Variants in ERBB4 observed in about 807,000 individuals in gnomAD.
ERBB4 encodes receptor tyrosine-protein kinase erbB-4.
In ERBB4, 42 loss-of-function variants were observed where a neutral mutation model predicts 158.0. The ratio of observed to expected loss-of-function variants is 0.27; its 90% CI spans 0.21 to 0.34. The LOEUF (loss-of-function observed/expected upper bound fraction) is 0.34, where lower values mean the gene tolerates loss of function less well. Among genes scored for constraint, ERBB4 ranks in the 10% least tolerant of loss-of-function variants. The probability of loss-of-function intolerance (pLI) is 1.00; values close to 1 mark genes in which losing one functional copy is unlikely to be tolerated. For synonymous variants in ERBB4, 583 were observed against 558.7 expected (o/e 1.04, Z -0.61); for missense variants, 1,333 against 1,624.1 (o/e 0.82, Z 3.08).
chr2:212,032,693 C>T (rs945849277), intron 2 of ERBB4, among the ~76,000 whole-genome samples: 3 of 151,856 alleles, frequency 2.0e-5, no homozygotes, highest in African/African-American at 7.2e-5. Flanking sequence ...TGTTTAGTAG[C>T]ATACAATTTG....
At chr2:211,526,225 C>G (rs1045422766) in intron 20 of ERBB4, among the ~76,000 whole-genome samples, 2 of 152,066 alleles carry the variant, frequency 1.3e-5, no homozygotes, top group African/African-American at 4.8e-5. Flanking sequence ...TCACTCATCC[C>G]CAGCCCCAGG....
At chr2:212,417,225 ACTT>A (rs2091677485) in intron 1 of ERBB4, among the ~76,000 whole-genome samples, 1 of 152,052 alleles carries the variant, frequency 6.6e-6, no homozygotes, top group South Asian at 2.1e-4. Context: ...TTTATTTTAT[ACTT>A]CTTAGTCATA....
intron 3 of ERBB4, among the ~76,000 whole-genome samples, chr2:211,828,377 A>G (rs1429254407): frequency 6.6e-6 from 1 of 152,144 alleles, no homozygotes; most frequent in Non-Finnish European, 1.5e-5. Context: ...AAATAAGGAA[A>G]GTAGAACAAG....
chr2:211,760,102 T>C (rs1313823694), intron 4 of ERBB4, among the ~76,000 whole-genome samples: 1 of 152,194 alleles, frequency 6.6e-6, no homozygotes, highest in Non-Finnish European at 1.5e-5. Context: ...TCACATCATA[T>C]TTTTCAGCAG....
intron 1 of ERBB4, among the ~76,000 whole-genome samples, chr2:212,170,003 A>C (rs1056049012): frequency 6.6e-6 from 1 of 152,162 alleles, no homozygotes; most frequent in Non-Finnish European, 1.5e-5. Context: ...AATTGGTACT[A>C]GGAGAGAGGT....
intron 2 of ERBB4, among the ~76,000 whole-genome samples, chr2:212,060,232 G>T (rs1295037385): frequency 1.3e-5 from 2 of 152,134 alleles, no homozygotes; most frequent in Admixed American, 6.5e-5. Flanking sequence ...CTGGCCATCA[G>T]AGAAATGCAA....
rs562290554 is a variant in ERBB4 at position 212,229,547 on chromosome 2, G to A, written c.83-104644C>T. On this transcript the variant is annotated intron_variant, in intron 1 of 27. Coordinates refer to ENST00000342788, the MANE Select transcript of ERBB4 (RefSeq NM_005235.3). ...AAGCTCAGTATTTAACTTTTCCAGTGAAGTCAAAGAGGGTCATAAGAGTAC... is the reference window on the plus strand; with the variant it reads ...AAGCTCAGTATTTAACTTTTCCAGTAAAGTCAAAGAGGGTCATAAGAGTAC... Among the ~76,000 whole-genome samples, 4 of 152,312 alleles carry A rather than the reference G, an allele frequency of 2.6e-5. No individual in the cohort carries two copies. The South Asian group carries it at 8.3e-4, about 32-fold the overall frequency.
intron 26 of ERBB4, 118 bp from the exon 27 acceptor site, chr2:211,387,268 C>A: frequency 1.1e-6 from 1 of 914,860 alleles, no homozygotes; most frequent in Non-Finnish European, 1.8e-6. Flanking sequence ...ATAGTATTTA[C>A]TGGTTTTTTT....
At chr2:211,996,915 G>A (rs531870403) in intron 2 of ERBB4, among the ~76,000 whole-genome samples, 1 of 152,294 alleles carries the variant, frequency 6.6e-6, no homozygotes, top group African/African-American at 2.4e-5. Flanking sequence ...AAGACCAAAA[G>A]AGATTTTAAC....
At chr2:211,581,382 T>C (rs537598259) in intron 19 of ERBB4, among the ~76,000 whole-genome samples, 2 of 151,672 alleles carry the variant, frequency 1.3e-5, no homozygotes, top group African/African-American at 4.8e-5. Flanking sequence ...TGAAAGAACA[T>C]GGAAATAGTC....
At chr2:211,408,102 AATAC>A (rs1559137399) in intron 25 of ERBB4, among the ~76,000 whole-genome samples, 1 of 136,238 alleles carries the variant, frequency 7.3e-6, no homozygotes, top group East Asian at 2.4e-4. Context: ...TAAATAAATA[AATAC>A]ATACATACAT....
intron 2 of ERBB4, among the ~76,000 whole-genome samples, chr2:212,071,445 T>C (rs2078115559): frequency 6.6e-6 from 1 of 151,910 alleles, no homozygotes; most frequent in Non-Finnish European, 1.5e-5. Context: ...AAAGACATAA[T>C]ACATTTACAG....
At chr2:211,634,990 T>C (rs764064054) in intron 16 of ERBB4, among the ~76,000 whole-genome samples, 12 of 152,136 alleles carry the variant, frequency 7.9e-5, no homozygotes, top group Non-Finnish European at 1.5e-4. Flanking sequence ...GAATCTTGTA[T>C]GTGAATCAGC....
chr2:211,583,329 T>C (rs1478034930), intron 19 of ERBB4, among the ~76,000 whole-genome samples: 1 of 151,946 alleles, frequency 6.6e-6, no homozygotes, highest in African/African-American at 2.4e-5. Flanking sequence ...TAAAAAACAT[T>C]GTTATTTGGT....
At chr2:212,282,881 C>T (rs996458412) in intron 1 of ERBB4, among the ~76,000 whole-genome samples, 3 of 151,834 alleles carry the variant, frequency 2.0e-5, no homozygotes, top group African/African-American at 2.4e-5. Flanking sequence ...TAAAATTGAC[C>T]CAATCCAGTT....
At chr2:212,093,252 A>G (rs1398463277) in intron 2 of ERBB4, among the ~76,000 whole-genome samples, 2 of 152,218 alleles carry the variant, frequency 1.3e-5, no homozygotes, top group African/African-American at 4.8e-5. Context: ...CAAGTACTTA[A>G]CCTTGTGCTA....
At chr2:211,921,559 G>C (rs1387167461) in intron 3 of ERBB4, among the ~76,000 whole-genome samples, 2 of 152,014 alleles carry the variant, frequency 1.3e-5, no homozygotes, top group African/African-American at 2.4e-5. Context: ...GAGAGAGAAG[G>C]TTTCTATTCT....
Position 212,046,935 on chromosome 2 carries a change from C to T in ERBB4, c.234+77817G>A, listed in dbSNP as rs182841330. On this transcript the variant is annotated intron_variant, in intron 2 of 27. Coordinates refer to ENST00000342788, the MANE Select transcript of ERBB4 (RefSeq NM_005235.3). Reference sequence around the variant, plus strand: ...CAAGAGTTCATCTACCTTGGATATACTGATTATATGCCATTTTCTTTTCCC... The same window carrying T: ...CAAGAGTTCATCTACCTTGGATATATTGATTATATGCCATTTTCTTTTCCC... Among the ~76,000 whole-genome samples, 8 of 152,202 alleles carry T rather than the reference C, an allele frequency of 5.3e-5. No individual in the cohort carries two copies. The East Asian group carries it at 1.4e-3, about 26-fold the overall frequency.
chr2:212,400,723 C>T (rs925971479), intron 1 of ERBB4, among the ~76,000 whole-genome samples: 10 of 151,954 alleles, frequency 6.6e-5, no homozygotes, highest in African/African-American at 2.4e-4. Context: ...TTTATAAATC[C>T]ACTTTTTCTG....
Sources: allele counts gnomAD v4.1 joint callset (sites outside exome capture counted in the v4.1 genomes callset), GRCh38; gene constraint gnomAD v4.1.1; transcripts MANE v1.5; gene names NCBI Gene and HGNC (gene_info 2026-07-23, HGNC 2026-07-21).